SRRM2: variants seen among roughly 807,000 people sequenced by gnomAD.
SRRM2 encodes serine/arginine repetitive matrix 2.
In SRRM2, 30 loss-of-function variants were observed where a neutral mutation model predicts 213.8. The ratio of observed to expected loss-of-function variants is 0.14; its 90% CI spans 0.10 to 0.19. The LOEUF is 0.19. Ranked by LOEUF, SRRM2 falls within the 10% of genes least tolerant of loss-of-function variation. The probability of loss-of-function intolerance (pLI) is 1.00; values close to 1 mark genes in which losing one functional copy is unlikely to be tolerated. For missense variants in SRRM2, 4,904 were observed against 3,647.0 expected, an observed-to-expected ratio of 1.34 and a Z score of -8.88; for synonymous variants, 2,025 against 1,377.7, an observed-to-expected ratio of 1.47 and a Z score of -10.40.
At position 2,769,192 on chromosome 16, in the gene SRRM2, CTCG is replaced by C. The variant is rs763150513; in HGVS notation, c.7935_7937del (p.Ser2648del). 8.3e-5 allele frequency: 134 copies of C among 1,609,458 alleles called. 1 individual carries two copies. Among genetic ancestry groups the C allele is most frequent in the Middle Eastern group, 6.6e-4 (4 of 6,056 alleles). ...CTTCTTCCTCCTCATCTTCCTCCTC[CTCG>C]TCGTCTTCCTCCCCTTCCCCTGCTA... On this transcript the variant is annotated inframe_deletion, in exon 12 of 15. Coordinates refer to ENST00000301740, the MANE Select transcript of SRRM2 (RefSeq NM_016333.4).
At chr16:2,759,105 G>T (rs368438407) in intron 6 of SRRM2, 35 bp from the exon 7 acceptor site, 4 of 1,614,126 alleles carry the variant, frequency 2.5e-6, no homozygotes, top group South Asian at 2.2e-5. Context: ...AGGCAGAGGT[G>T]TTTCTTATGT....
chr16:2,770,829 TC>T (rs2068720333), intron 14 of SRRM2, 28 bp from the exon 15 acceptor site: 1 of 1,613,952 alleles, frequency 6.2e-7, no homozygotes. Context: ...GGGTGGGAAC[TC>T]CCTGTTGACC....
rs531940752 is a variant in SRRM2 at position 2,766,517 on chromosome 16, C to T, written c.5989C>T (p.Arg1997Cys). 2.9e-5 allele frequency: 46 copies of T among 1,613,950 alleles called. No individual in the cohort carries two copies. The East Asian group carries it at 4.7e-4, about 16-fold the overall frequency. The change falls in exon 11 of 15, where the codon CGC becomes TGC. Residue 1997 changes from arginine to cysteine, a missense_variant. Coordinates refer to ENST00000301740, the MANE Select transcript of SRRM2 (RefSeq NM_016333.4). This position sits in a 1 kb window ranked among gnomAD's most constrained non-coding sequence, Gnocchi z 7.0. Reference protein sequence around the residue: ...SPVTRRRSRSRTSPVTRRRSR... With the variant: ...SPVTRRRSRSCTSPVTRRRSR... ...GGTCACCCGAAGGAGATCTCGATCTCGCACATCTCCAGTAACTCGAAGAAG... is the reference window on the plus strand; with the variant it reads ...GGTCACCCGAAGGAGATCTCGATCTTGCACATCTCCAGTAACTCGAAGAAG...
intron 1 of SRRM2, among the ~76,000 whole-genome samples, chr16:2,753,953 T>G (rs2068042788): frequency 6.6e-6 from 1 of 152,194 alleles, no homozygotes; most frequent in South Asian, 2.1e-4. Context: ...TACTGTTGAA[T>G]TCAAATATAT....
chr16:2,765,974 G>A lies in SRRM2; in HGVS notation c.5446G>A (p.Gly1816Arg), dbSNP rs141259413. 1.1e-4 allele frequency: 179 copies of A among 1,614,134 alleles called. No homozygotes were observed. Among genetic ancestry groups the A allele is most frequent in the Non-Finnish European group, 1.4e-4 (170 of 1,180,028 alleles). The part of the protein sequence containing the change: ...SRSRVTRRRR[G>R]GSGYHSRSPA... ...GTCGCGGGTTACTCGGCGGCGGAGG[G>A]GAGGCTCTGGTTATCACTCAAGGTC... The change falls in exon 11 of 15, where the codon GGA (glycine) becomes AGA (arginine). Residue 1816 changes from glycine (G) to arginine (R), a missense_variant. Transcript: ENST00000301740.
chr16:2,765,464 G>A lies in SRRM2; in HGVS notation c.4936G>A (p.Gly1646Ser), dbSNP rs769283245. 1.2e-6 allele frequency: 2 copies of A among 1,614,160 alleles called. No individual in the cohort carries two copies. Among genetic ancestry groups the A allele is most frequent in the Non-Finnish European group, 1.7e-6 (2 of 1,180,040 alleles). Residue 1646 changes from glycine to serine, a missense_variant, in exon 11 of 15, where the codon GGC becomes AGC. Transcript: ENST00000301740. The part of the protein sequence containing the change: ...SRSGSSSKGR[G>S]PSPEGSSSTE... ...ATCAGGTTCATCAAGCAAAGGCAGA[G>A]GCCCTTCTCCTGAAGGAAGCAGCAG... is the stretch of plus-strand genomic sequence containing the variant.
At position 2,764,035 on chromosome 16, in the gene SRRM2, C is replaced by T. The variant is rs753070608; in HGVS notation, c.3507C>T (p.Ala1169=). The T allele has an allele frequency of 6.2e-7, 1 of 1,614,162 alleles. No homozygotes were observed. The highest frequency in any genetic ancestry group is 1.1e-5 in the South Asian group (1 of 91,084). The change falls in exon 11 of 15, where the codon GCC becomes GCT. Residue 1169 remains alanine, a synonymous_variant. Transcript: ENST00000301740. ...CTGCTGAATCAAAAGAGAAAATGGCCTTACCCCCTCAGGAGGATGCTACTG... is the reference window on the plus strand; with the variant it reads ...CTGCTGAATCAAAAGAGAAAATGGCTTTACCCCCTCAGGAGGATGCTACTG... The part of the protein sequence containing the change: ...LETAESKEKM[A]LPPQEDATAS...
chr16:2,761,631 C>T lies in SRRM2; in HGVS notation c.1103C>T (p.Pro368Leu), dbSNP rs143815852. 1.3e-3 allele frequency: 1,994 copies of T among 1,571,368 alleles called. 7 individuals are homozygous for T. The highest frequency in any genetic ancestry group is 1.1e-3 in the Non-Finnish European group (1,304 of 1,162,328). Residue 368 changes from proline (P) to leucine (L), a missense_variant, in exon 11 of 15, where the codon CCG (proline) becomes CTG (leucine). Physicochemically the swap from Pro to Leu is moderately conservative, Grantham distance 98. Transcript: ENST00000301740. Reference sequence around the variant, plus strand: ...GGCCCAGAACCACCTGCTCCCACTCCGCTCCTTGCTGAGCGACATGGCGGC... The same window carrying T: ...GGCCCAGAACCACCTGCTCCCACTCTGCTCCTTGCTGAGCGACATGGCGGC... ...STGPEPPAPT[P>L]LLAERHGGSP...
Position 2,766,518 on chromosome 16 carries a change from G to T in SRRM2, c.5990G>T (p.Arg1997Leu). 1.2e-6 allele frequency: 2 copies of T among 1,613,690 alleles called. No individual in the cohort carries two copies. The highest frequency in any genetic ancestry group is 1.7e-6 in the Non-Finnish European group (2 of 1,179,960). The change falls in exon 11 of 15, where the codon CGC becomes CTC. Residue 1997 changes from arginine to leucine, a missense_variant. Coordinates refer to ENST00000301740, the MANE Select transcript of SRRM2 (RefSeq NM_016333.4). The surrounding 1 kb of genome is among the most constrained non-coding windows in gnomAD (Gnocchi z 7.0). The part of the protein sequence containing the change: ...SPVTRRRSRS[R>L]TSPVTRRRSR... Reference sequence around the variant, plus strand: ...GTCACCCGAAGGAGATCTCGATCTCGCACATCTCCAGTAACTCGAAGAAGG... The same window carrying T: ...GTCACCCGAAGGAGATCTCGATCTCTCACATCTCCAGTAACTCGAAGAAGG...
chr16:2,760,572 G>T, intron 10 of SRRM2, 73 bp downstream of exon 10: 3 of 1,525,336 alleles, frequency 2.0e-6, no homozygotes, highest in Non-Finnish European at 2.7e-6. Context: ...GATGTGAAAG[G>T]GAGAGGTAAT....
Position 2,762,800 on chromosome 16 carries a change from CGGA to C in SRRM2, c.2274_2276del (p.Ser759del). On this transcript the variant is annotated inframe_deletion, in exon 11 of 15. Transcript: ENST00000301740. ...GAAGAAATCTCGCATTTCTTCAAGG[CGGA>C]GCAGGTCTCTCTCTTCACCACGGTC... 11 of 1,614,126 alleles carry C rather than the reference CGGA, an allele frequency of 6.8e-6. No homozygotes were observed. The highest frequency in any genetic ancestry group is 9.3e-6 in the Non-Finnish European group (11 of 1,180,026).
In SRRM2 at chr16:2,770,364, C is replaced by G. The variant is rs752717524; in HGVS notation, c.8034C>G (p.Pro2678=). ...CTGTGTTCCCCAGGTCCCGCAGCCCCCGGAAGCCAATAGACTCCCTCAGGG... is the reference window on the plus strand; with the variant it reads ...CTGTGTTCCCCAGGTCCCGCAGCCCGCGGAAGCCAATAGACTCCCTCAGGG... ...PPPGERRSRS[P]RKPIDSLRDS... Residue 2678 remains proline, a synonymous_variant, in exon 13 of 15, where the codon CCC becomes CCG. Transcript: ENST00000301740. 8.1e-6 allele frequency: 13 copies of G among 1,601,574 alleles called. No individual in the cohort carries two copies. In the Admixed American group the frequency reaches 2.0e-4, roughly 25 times the overall value.
Position 2,756,322 on chromosome 16 carries a change from G to T in SRRM2, c.-31-12G>T. On this transcript the variant is annotated splice_polypyrimidine_tract_variant and intron_variant, in intron 1 of 14. Coordinates refer to ENST00000301740, the MANE Select transcript of SRRM2 (RefSeq NM_016333.4). ...CCAGGGGCCTGACCCGTGTCTCCCC[G>T]CTCCCCCTCAGGAGCGGTGGTGCCC... 1 of 1,543,034 alleles carries T rather than the reference G, an allele frequency of 6.5e-7. No homozygotes were observed. The highest frequency in any genetic ancestry group is 8.7e-7 in the Non-Finnish European group (1 of 1,150,726).
Position 2,763,713 on chromosome 16 carries a change from A to G in SRRM2, c.3185A>G (p.Gln1062Arg), listed in dbSNP as rs2068443588. The G allele has an allele frequency of 6.2e-7, 1 of 1,614,164 alleles. No individual in the cohort carries two copies. Among genetic ancestry groups the G allele is most frequent in the East Asian group, 2.2e-5 (1 of 44,888 alleles). Reference protein sequence around the residue: ...VSSLQLKGQSQTSPDHRSDTS... With the variant: ...VSSLQLKGQSRTSPDHRSDTS... ...TCTCTGCAACTGAAAGGACAATCTC[A>G]AACTTCACCAGACCACAGATCTGAT... The change falls in exon 11 of 15, where the codon CAA becomes CGA. Residue 1062 changes from glutamine (Q) to arginine (R), a missense_variant. Transcript: ENST00000301740.
chr16:2,752,832 G>A lies in SRRM2; in HGVS notation c.-46G>A. 3.5e-6 allele frequency: 1 copy of A among 289,042 alleles called. No homozygotes were observed. The highest frequency in any genetic ancestry group is 7.1e-6 in the Non-Finnish European group (1 of 141,584). 17.9% of individuals were successfully genotyped at this position (289,042 alleles called of 1,614,324 possible). ...AAGACCTCTCCCCCTCGGAGGCGGC[G>A]GGCGGAGGCGGCGGGTGAGAGGGTG... On this transcript the variant is annotated 5_prime_UTR_variant, in exon 1 of 15. Coordinates refer to ENST00000301740, the MANE Select transcript of SRRM2 (RefSeq NM_016333.4).
intron 12 of SRRM2, chr16:2,770,088 C>T (rs567297141): frequency 3.3e-5 from 44 of 1,320,096 alleles, no homozygotes; most frequent in East Asian, 1.4e-4. Flanking sequence ...CACACGGGGC[C>T]GTGCGTGCCT....
rs113096210 is a variant in SRRM2, at chr16:2,756,842, G to A, written c.242+236G>A. On this transcript the variant is annotated intron_variant, in intron 2 of 14. Coordinates refer to ENST00000301740, the MANE Select transcript of SRRM2 (RefSeq NM_016333.4). The stretch of plus-strand genomic sequence containing the variant: ...AGCCTGAGGTACTAAATGGAGGCAC[G>A]TGGGAGAAGGGAGGGGCCATTGAGG... Among the ~76,000 whole-genome samples the A allele has an allele frequency of 1.0e-3, 155 of 152,204 alleles. 1 individual carries two copies. Among genetic ancestry groups the A allele is most frequent in the Non-Finnish European group, 1.8e-3 (119 of 68,000 alleles).
At position 2,766,615 on chromosome 16, in the gene SRRM2, C is replaced by T. The variant is rs772693442; in HGVS notation, c.6087C>T (p.Arg2029=). The T allele has an allele frequency of 6.2e-7, 1 of 1,613,570 alleles. No homozygotes were observed. Among genetic ancestry groups the T allele is most frequent in the Non-Finnish European group, 8.5e-7 (1 of 1,179,786 alleles). Residue 2029 remains arginine, a synonymous_variant, in exon 11 of 15, where the codon CGC becomes CGT. Coordinates refer to ENST00000301740, the MANE Select transcript of SRRM2 (RefSeq NM_016333.4). The surrounding 1 kb of genome is among the most constrained non-coding windows in gnomAD (Gnocchi z 7.0). The part of the protein sequence containing the change: ...RSRTPPAIRR[R]SRSRTPLLPR... ...GGACACCTCCAGCTATTCGGCGCCG[C>T]TCTAGATCTCGAACGCCACTGTTAC...
chr16:2,764,130 T>A lies in SRRM2; in HGVS notation c.3602T>A (p.Val1201Glu), dbSNP rs921275382. 3.7e-6 allele frequency: 6 copies of A among 1,614,040 alleles called. No homozygotes were observed. In the African/African-American group the frequency reaches 8.0e-5, roughly 22 times the overall value. The change falls in exon 11 of 15, where the codon GTA becomes GAA. Residue 1201 changes from valine to glutamate, a missense_variant. Transcript: ENST00000301740. ...CAGGATAGGCCTGAGTCTTCACTGG[T>A]ATTCAAAGACACACTTAGAACCCCG... is the stretch of plus-strand genomic sequence containing the variant. The part of the protein sequence containing the change: ...PVQDRPESSL[V>E]FKDTLRTPPR...
Sources: gnomAD v4.1 joint callset for allele counts (sites outside exome capture counted in the v4.1 genomes callset) on GRCh38, gnomAD v4.1.1 for gene constraint, Gnocchi (gnomAD v3.1) non-coding constraint, MANE v1.5 for transcripts, NCBI Gene and HGNC (gene_info 2026-07-23, HGNC 2026-07-21) for gene names.